GIMAP4: variants seen among roughly 807,000 people sequenced by gnomAD.
GIMAP4 encodes GTPase, IMAP family member 4.
In GIMAP4, 12 loss-of-function variants were observed where a neutral mutation model predicts 10.8. The ratio of observed to expected loss-of-function variants is 1.11; its 90% CI spans 0.71 to 1.81. The LOEUF is 1.81. GIMAP4 is among the 40% of genes most tolerant of loss of function. The probability of loss-of-function intolerance (pLI) is 0.00; values close to 1 mark genes in which losing one functional copy is unlikely to be tolerated. For missense variants in GIMAP4, 412 were observed against 404.6 expected (o/e 1.02, Z -0.16); for synonymous variants, 149 against 147.2 (o/e 1.01, Z -0.09).
chr7:150,569,607 A>C (rs911780966), intron 1 of GIMAP4, among the ~76,000 whole-genome samples: 1 of 152,206 alleles, frequency 6.6e-6, no homozygotes, highest in African/African-American at 2.4e-5. Context: ...TACAGACCTC[A>C]TATAAACACA....
At chr7:150,569,162 T>C (rs1795698569) in intron 1 of GIMAP4, among the ~76,000 whole-genome samples, 1 of 152,118 alleles carries the variant, frequency 6.6e-6, no homozygotes, top group African/African-American at 2.4e-5. Flanking sequence ...AGAAAAAATA[T>C]CAAATTTTAG....
In GIMAP4 at chr7:150,572,341, G is replaced by A. The variant is rs753376384; in HGVS notation, c.271G>A (p.Asp91Asn). 1.9e-6 allele frequency: 3 copies of A among 1,613,956 alleles called. No homozygotes were observed. The East Asian group carries it at 6.7e-5, about 36-fold the overall frequency. Reference sequence around the variant, plus strand: ...CGTAGTTGACACACCAGGCATTTTCGACACAGAGGTGCCCAATGCTGAAAC... The same window carrying A: ...CGTAGTTGACACACCAGGCATTTTCAACACAGAGGTGCCCAATGCTGAAAC... ...LVVVDTPGIF[D>N]TEVPNAETSK... Residue 91 changes from aspartate to asparagine, a missense_variant, in exon 3 of 3, where the codon GAC (aspartate) becomes AAC (asparagine). Asp to Asn is a conservative substitution (Grantham distance 23). Transcript: ENST00000255945.
chr7:150,572,017 G>A, intron 2 of GIMAP4, 112 bp from the exon 3 acceptor site: 1 of 677,768 alleles, frequency 1.5e-6, no homozygotes, highest in Non-Finnish European at 2.5e-6. Context: ...AACATCAGGA[G>A]AAGCCCCCAC....
intron 2 of GIMAP4, among the ~76,000 whole-genome samples, chr7:150,570,386 TC>T (rs1795715317): frequency 6.6e-6 from 1 of 152,126 alleles, no homozygotes; most frequent in Non-Finnish European, 1.5e-5. Flanking sequence ...GTATCTAATT[TC>T]CCAGCTCCTG....
Position 150,572,966 on chromosome 7 carries a change from C to T in GIMAP4, c.896C>T (p.Thr299Met). The T allele has an allele frequency of 1.2e-6, 2 of 1,613,470 alleles. No homozygotes were observed. Among genetic ancestry groups the T allele is most frequent in the Non-Finnish European group, 1.7e-6 (2 of 1,179,386 alleles). Residue 299 changes from threonine (T) to methionine (M), a missense_variant, in exon 3 of 3, where the codon ACG becomes ATG. By Grantham distance (81) the Thr-to-Met change is moderately conservative. Transcript: ENST00000255945. ...GCTGTAAGGCAGCAAAGGGCAAGAA[C>T]GGAAGTGGAGAGTAAGGATGGGATA... ...HYAVRQQRAR[T>M]EVESKDGILE...
chr7:150,569,438 G>A (rs1022295841), intron 1 of GIMAP4, among the ~76,000 whole-genome samples: 14 of 152,196 alleles, frequency 9.2e-5, no homozygotes, highest in Non-Finnish European at 5.9e-5. Flanking sequence ...TGAGCGGGGA[G>A]CCAGGAAGGC....
At position 150,572,668 on chromosome 7, in the gene GIMAP4, G is replaced by A; in HGVS notation, c.598G>A (p.Ala200Thr). ...CAAGGCAACAGGCGCTGAGCAGGAG[G>A]CCCAGAGGGCACAGTTGCTGGGCCT... Reference protein sequence around the residue: ...NNKATGAEQEAQRAQLLGLIQ... With the variant: ...NNKATGAEQETQRAQLLGLIQ... The change falls in exon 3 of 3, where the codon GCC becomes ACC. Residue 200 changes from alanine (A) to threonine (T), a missense_variant. Ala to Thr is a moderately conservative substitution (Grantham distance 58). Transcript: ENST00000255945. The A allele has an allele frequency of 1.2e-6, 2 of 1,614,200 alleles. No individual in the cohort carries two copies. Among genetic ancestry groups the A allele is most frequent in the Non-Finnish European group, 1.7e-6 (2 of 1,180,032 alleles).
chr7:150,571,983 A>G (rs2116719412), intron 2 of GIMAP4, 146 bp from the exon 3 acceptor site: 1 of 615,494 alleles, frequency 1.6e-6, no homozygotes, highest in Middle Eastern at 3.1e-4. Flanking sequence ...CATCAGGCCT[A>G]CAGGAATCTC....
Position 150,573,040 on chromosome 7 carries a change from C to A in GIMAP4, c.970C>A (p.Arg324Ser), listed in dbSNP as rs374272297. 6.3e-7 allele frequency: 1 copy of A among 1,593,346 alleles called. No homozygotes were observed. Among genetic ancestry groups the A allele is most frequent in the Non-Finnish European group, 8.6e-7 (1 of 1,165,684 alleles). ...ALQIASFILL[R>S]LFAED The stretch of plus-strand genomic sequence containing the variant: ...ACAGATTGCTTCCTTTATTTTGTTA[C>A]GTCTGTTCGCGGAAGATTAAACTTA... Residue 324 changes from arginine to serine, a missense_variant, in exon 3 of 3, where the codon CGT (arginine) becomes AGT (serine). By Grantham distance (110) the Arg-to-Ser change is moderately radical. Transcript: ENST00000255945.
chr7:150,569,801 A>T, intron 1 of GIMAP4, 87 bp from the exon 2 acceptor site: 1 of 706,224 alleles, frequency 1.4e-6, no homozygotes, highest in East Asian at 2.5e-5. Flanking sequence ...CATGGCAAAA[A>T]GAAAGTTGTT....
At chr7:150,568,941 G>T (rs181327294) in intron 1 of GIMAP4, among the ~76,000 whole-genome samples, 305 of 152,256 alleles carry the variant, frequency 2.0e-3, no homozygotes, top group African/African-American at 7.0e-3. Context: ...GGAACAAGCT[G>T]GGCACTAGGT....
chr7:150,570,901 C>T (rs1277217830), intron 2 of GIMAP4, among the ~76,000 whole-genome samples: 1 of 152,146 alleles, frequency 6.6e-6, no homozygotes, highest in Non-Finnish European at 1.5e-5. Flanking sequence ...CAGAGCAAGT[C>T]ATAAGGCCCA....
In GIMAP4 at chr7:150,572,763, G is replaced by A; in HGVS notation, c.693G>A (p.Glu231=). The part of the protein sequence containing the change: ...YTNRMYQRAE[E]EIQKQTQAMQ... ...ATAGGATGTACCAAAGGGCGGAGGA[G>A]GAGATCCAGAAGCAAACACAAGCAA... Residue 231 remains glutamate (E), a synonymous_variant, in exon 3 of 3, where the codon GAG becomes GAA. Coordinates refer to ENST00000255945, the MANE Select transcript of GIMAP4 (RefSeq NM_018326.3). 3.1e-6 allele frequency: 5 copies of A among 1,614,184 alleles called. No homozygotes were observed. The highest frequency in any genetic ancestry group is 4.2e-6 in the Non-Finnish European group (5 of 1,180,032).
chr7:150,568,387 T>C (rs2373815), intron 1 of GIMAP4, among the ~76,000 whole-genome samples: 18,959 of 152,282 alleles, frequency 0.12, 1,423 homozygotes, highest in East Asian at 0.21. Flanking sequence ...CAGTGTTTCA[T>C]ATTTGTTGGC....
At chr7:150,570,953 G>C (rs1795721761) in intron 2 of GIMAP4, among the ~76,000 whole-genome samples, 1 of 152,102 alleles carries the variant, frequency 6.6e-6, no homozygotes, top group South Asian at 2.1e-4. Context: ...ATCTTGATGG[G>C]AGGAACTGCA....
rs376018117 is a variant in GIMAP4 at position 150,572,233 on chromosome 7, G to A, written c.163G>A (p.Val55Met). ...ATGNSILGRK[V>M]FHSGTAAKSI... ...AGGAAACAGCATCCTTGGCCGGAAA[G>A]TGTTTCATTCTGGCACTGCAGCAAA... The change falls in exon 3 of 3, where the codon GTG (valine) becomes ATG (methionine). Residue 55 changes from valine to methionine, a missense_variant. Transcript: ENST00000255945. 9.0e-5 allele frequency: 146 copies of A among 1,613,920 alleles called. No homozygotes were observed. The highest frequency in any genetic ancestry group is 1.2e-4 in the Non-Finnish European group (144 of 1,179,894).
chr7:150,571,546 C>T (rs1453706820), intron 2 of GIMAP4, among the ~76,000 whole-genome samples: 1 of 152,094 alleles, frequency 6.6e-6, no homozygotes, highest in Non-Finnish European at 1.5e-5. Flanking sequence ...TTTGGGAGGC[C>T]GAGGCGGGTG....
At chr7:150,570,528 A>G (rs62502270) in intron 2 of GIMAP4, among the ~76,000 whole-genome samples, 20,369 of 152,224 alleles carry the variant, frequency 0.13, 1,508 homozygotes, top group East Asian at 0.21. Context: ...AAACTATCCC[A>G]AAGTTTCATA....
Sources: gnomAD v4.1 joint callset for allele counts (sites outside exome capture counted in the v4.1 genomes callset) on GRCh38, gnomAD v4.1.1 for gene constraint, MANE v1.5 for transcripts, NCBI Gene and HGNC (gene_info 2026-07-23, HGNC 2026-07-21) for gene names.